Variants in TIA1 observed in about 807,000 individuals in gnomAD.
The protein encoded by TIA1 is TIA1 cytotoxic granule associated RNA binding protein, also known as cytotoxic granule associated RNA binding protein TIA1.
Under a neutral mutation model 65.9 loss-of-function variants are expected in TIA1, and 23 were observed. The observed-to-expected ratio is 0.35, with a 90% CI of 0.25 to 0.49. The LOEUF is 0.49. TIA1 is among the 20% of genes least tolerant of loss of function. The probability of loss-of-function intolerance (pLI) is 0.98; values close to 1 mark genes in which losing one functional copy is unlikely to be tolerated. For synonymous variants in TIA1, 147 were observed against 149.4 expected, an observed-to-expected ratio of 0.98 and a Z score of 0.12; for missense variants, 371 against 477.9, an observed-to-expected ratio of 0.78 and a Z score of 2.09.
intron 3 of TIA1, among the ~76,000 whole-genome samples, chr2:70,230,329 GTCAAT>G (rs1558860605): frequency 2.0e-5 from 3 of 151,132 alleles, no homozygotes; most frequent in Non-Finnish European, 4.4e-5. Context: ...AATATTATAT[GTCAAT>G]AACTGACCTT....
chr2:70,232,146 G>A (rs1686626455), intron 2 of TIA1, among the ~76,000 whole-genome samples: 1 of 147,226 alleles, frequency 6.8e-6, no homozygotes, highest in African/African-American at 2.5e-5. Context: ...AGCTTGCAGT[G>A]TGCAGTGAGC....
chr2:70,215,998 C>A, intron 10 of TIA1: 1 of 511,042 alleles, frequency 2.0e-6, no homozygotes, highest in Non-Finnish European at 3.4e-6. Context: ...GTGATCCACC[C>A]GTCTCGGCCT....
intron 2 of TIA1, 84 bp from the exon 3 acceptor site, chr2:70,230,938 C>G: frequency 2.0e-6 from 2 of 995,684 alleles, no homozygotes; most frequent in Non-Finnish European, 3.0e-6. Flanking sequence ...AATCTTAAAC[C>G]AAGTTTTATA....
intron 1 of TIA1, among the ~76,000 whole-genome samples, chr2:70,242,968 T>C (rs72902493): frequency 0.07 from 10,590 of 152,258 alleles, 1,152 homozygotes; most frequent in African/African-American, 0.23. Flanking sequence ...GCCTGGAACA[T>C]TGCAATATCA....
chr2:70,246,606 C>T (rs974606829), intron 1 of TIA1, among the ~76,000 whole-genome samples: 2 of 152,184 alleles, frequency 1.3e-5, no homozygotes, highest in Non-Finnish European at 2.9e-5. Flanking sequence ...TGAGGACAGG[C>T]CAGGCGCAGT....
At chr2:70,237,958 A>G (rs1295403449) in intron 1 of TIA1, among the ~76,000 whole-genome samples, 2 of 151,916 alleles carry the variant, frequency 1.3e-5, no homozygotes, top group African/African-American at 4.8e-5. Context: ...TCAGGAGATC[A>G]AGACCATCCT....
chr2:70,228,794 G>A (rs1487075444), intron 5 of TIA1: 1 of 1,364,178 alleles, frequency 7.3e-7, no homozygotes. Context: ...CTCAAGAAAG[G>A]AGGGTATTTT....
chr2:70,237,395 T>C (rs374091991), intron 1 of TIA1, among the ~76,000 whole-genome samples: 3 of 151,970 alleles, frequency 2.0e-5, no homozygotes, highest in Admixed American at 6.6e-5. Context: ...AGTGAGACTA[T>C]GTCTCAAAAA....
At chr2:70,235,541 A>AGTGTGTGT (rs145663932) in intron 2 of TIA1, among the ~76,000 whole-genome samples, 35,490 of 147,078 alleles carry the variant, frequency 0.24, 4,623 homozygotes, top group East Asian at 0.34. Context: ...TAGATGAATG[A>AGTGTGTGT]GTGTGTGTGT....
chr2:70,241,343 G>A (rs1427134095), intron 1 of TIA1, among the ~76,000 whole-genome samples: 1 of 152,092 alleles, frequency 6.6e-6, no homozygotes, highest in East Asian at 1.9e-4. Context: ...TAGGGAGGCC[G>A]AGGCAGGAGA....
intron 5 of TIA1, 98 bp from the exon 6 acceptor site, chr2:70,227,920 T>C: frequency 1.3e-6 from 1 of 745,956 alleles, no homozygotes; most frequent in Non-Finnish European, 2.2e-6. Flanking sequence ...AAAATGATTA[T>C]GGCTTATGAT....
intron 3 of TIA1, among the ~76,000 whole-genome samples, chr2:70,229,558 T>C (rs1685234275): frequency 6.6e-6 from 1 of 152,204 alleles, no homozygotes. Flanking sequence ...GTACCCATAT[T>C]ATTTTTTTTC....
At chr2:70,237,457 T>G (rs1158651212) in intron 1 of TIA1, among the ~76,000 whole-genome samples, 6 of 152,212 alleles carry the variant, frequency 3.9e-5, no homozygotes, top group Admixed American at 3.9e-4. Context: ...TGTGCTTGTC[T>G]GTTTTAGTCA....
intron 7 of TIA1, among the ~76,000 whole-genome samples, chr2:70,218,589 T>G (rs935435861): frequency 1.3e-5 from 2 of 152,118 alleles, no homozygotes; most frequent in Non-Finnish European, 2.9e-5. Flanking sequence ...TTTTGTATTT[T>G]TTAGTAGAGA....
chr2:70,215,995 A>C (rs897462514), intron 10 of TIA1: 2 of 507,638 alleles, frequency 3.9e-6, no homozygotes, highest in Admixed American at 3.9e-5. Flanking sequence ...ACGGTGATCC[A>C]CCCGTCTCGG....
In TIA1 at chr2:70,211,620, A is replaced by G. The variant is rs1676511637; in HGVS notation, c.*1099T>C. ...TACCTAGAAAACGGCAAATTAATAT[A>G]TTCCTTTACATACAACTTTGTGTCT... is the stretch of plus-strand genomic sequence containing the variant. On this transcript the variant is annotated 3_prime_UTR_variant, in exon 13 of 13. Transcript: ENST00000433529. The G allele has an allele frequency of 1.3e-5, 2 of 152,642 alleles. No individual in the cohort carries two copies. The highest frequency in any genetic ancestry group is 1.3e-4 in the Admixed American group (2 of 15,272). The allele number at this position is 152,642 out of a possible 1,614,324, so 9.5% of individuals were successfully genotyped here.
chr2:70,244,901 T>A (rs1348683107), intron 1 of TIA1, among the ~76,000 whole-genome samples: 1 of 147,816 alleles, frequency 6.8e-6, no homozygotes, highest in East Asian at 2.0e-4. Context: ...TTCATACAAA[T>A]TACAAGGCCA....
intron 1 of TIA1, among the ~76,000 whole-genome samples, chr2:70,245,914 ATTTTTTT>A (rs199977940): frequency 4.8e-4 from 60 of 124,728 alleles, no homozygotes; most frequent in Non-Finnish European, 5.7e-4. Context: ...ATTCTACCAG[ATTTTTTT>A]TTTTTTTTTT....
At chr2:70,236,490 C>T (rs555184971) in intron 1 of TIA1, among the ~76,000 whole-genome samples, 85 of 151,888 alleles carry the variant, frequency 5.6e-4, no homozygotes, top group Non-Finnish European at 1.0e-3. Context: ...TGAGCCACTG[C>T]ACCCGGTTTT....
Sources: allele counts gnomAD v4.1 joint callset (sites outside exome capture counted in the v4.1 genomes callset), GRCh38; gene constraint gnomAD v4.1.1; transcripts MANE v1.5; gene names NCBI Gene and HGNC (gene_info 2026-07-23, HGNC 2026-07-21).